NREP: variants seen among roughly 807,000 people sequenced by gnomAD.
NREP encodes neuronal regeneration related protein, also known as neuronal regeneration-related protein.
In NREP, 5 loss-of-function variants were observed where a neutral mutation model predicts 8.6. The ratio of observed to expected loss-of-function variants is 0.58; its 90% CI spans 0.30 to 1.22. NREP has a LOEUF of 1.22. Among genes scored for constraint, NREP ranks in the 50% most tolerant of loss-of-function variants. The pLI, the probability that NREP is intolerant of heterozygous loss-of-function variation, is 0.07. For missense variants in NREP, 86 were observed against 82.5 expected (o/e 1.04, Z -0.17); for synonymous variants, 27 against 28.0 (o/e 0.96, Z 0.11).
rs1753753112 is a variant in NREP, at chr5:111,869,995, TTG to T, written c.135+105277_135+105278del. ...GAACTTCAGCATAGATAGTGTTATA[TTG>T]TGTATATGCCTCTTAAACTTCAACT... On this transcript the variant is annotated intron_variant, in intron 2 of 3. Transcript: ENST00000395634. 2.0e-5 allele frequency among the ~76,000 whole-genome samples: 3 copies of T among 152,332 alleles called. No homozygotes were observed. In the South Asian group the frequency reaches 6.2e-4, roughly 32 times the overall value.
At chr5:111,799,253 T>C (rs999699437) in intron 2 of NREP, among the ~76,000 whole-genome samples, 1 of 152,196 alleles carries the variant, frequency 6.6e-6, no homozygotes. Flanking sequence ...CTATGCAGGC[T>C]CTTTTTTGGT....
chr5:111,901,646 AG>A (rs780481158), intron 2 of NREP, among the ~76,000 whole-genome samples: 1 of 152,180 alleles, frequency 6.6e-6, no homozygotes, highest in Non-Finnish European at 1.5e-5. Flanking sequence ...CACAAAAATC[AG>A]TAGTGTTTCT....
chr5:111,777,038 G>T (rs1751380876), intron 2 of NREP, among the ~76,000 whole-genome samples: 1 of 150,830 alleles, frequency 6.6e-6, no homozygotes, highest in African/African-American at 2.4e-5. Flanking sequence ...GAAGGAGGTG[G>T]AGGAGGAGGA....
rs529280663 is a variant in NREP at position 111,849,377 on chromosome 5, G to T, written c.136-113870C>A. 3.9e-5 allele frequency among the ~76,000 whole-genome samples: 6 copies of T among 152,248 alleles called. No individual in the cohort carries two copies. In the South Asian group the frequency reaches 1.2e-3, roughly 32 times the overall value. On this transcript the variant is annotated intron_variant, in intron 2 of 3. Transcript: ENST00000395634. ...GTGTAATAGGCTGTGTGAGGGAGGA[G>T]AGTAAAGAGAGGTGAGTCTTCAAAG...
At chr5:111,934,127 G>A in intron 2 of NREP, among the ~76,000 whole-genome samples, 1 of 152,064 alleles carries the variant, frequency 6.6e-6, no homozygotes, top group East Asian at 1.9e-4. Context: ...TTGCTTTGGT[G>A]TCTTATCTAC....
chr5:111,797,984 C>T (rs574247581), intron 2 of NREP, among the ~76,000 whole-genome samples: 1 of 152,246 alleles, frequency 6.6e-6, no homozygotes, highest in Non-Finnish European at 1.5e-5. Flanking sequence ...AGAAATTATT[C>T]ATTTTGTAGC....
chr5:111,778,937 AT>A (rs569523489), intron 2 of NREP, among the ~76,000 whole-genome samples: 6 of 152,080 alleles, frequency 3.9e-5, no homozygotes, highest in Admixed American at 3.9e-4. Flanking sequence ...AGTATGTTTT[AT>A]TTTTTTAATG....
intron 2 of NREP, among the ~76,000 whole-genome samples, chr5:111,753,671 G>C (rs542705469): frequency 3.3e-5 from 5 of 151,958 alleles, no homozygotes; most frequent in South Asian, 2.1e-4. Context: ...AGTTTAACAG[G>C]AGAGCCATGC....
chr5:111,797,078 T>C (rs908379513), intron 2 of NREP, among the ~76,000 whole-genome samples: 11 of 151,452 alleles, frequency 7.3e-5, no homozygotes, highest in Admixed American at 6.6e-5. Flanking sequence ...GATAGATAGA[T>C]AGATAGATAG....
chr5:111,853,330 T>C (rs1292751653), intron 2 of NREP, among the ~76,000 whole-genome samples: 3 of 152,146 alleles, frequency 2.0e-5, no homozygotes, highest in Non-Finnish European at 4.4e-5. Context: ...ATTGTCATTA[T>C]ACATTTGTCA....
chr5:111,866,408 A>T (rs568727797), intron 2 of NREP, among the ~76,000 whole-genome samples: 11 of 152,220 alleles, frequency 7.2e-5, no homozygotes, highest in Non-Finnish European at 1.5e-4. Flanking sequence ...GTTCATCATC[A>T]CTGGCCATCA....
chr5:111,875,286 T>G (rs1221062166), intron 2 of NREP, among the ~76,000 whole-genome samples: 1 of 152,042 alleles, frequency 6.6e-6, no homozygotes, highest in South Asian at 2.1e-4. Context: ...ATAATAGGCC[T>G]CTGAGGCAAA....
chr5:111,872,976 C>G (rs1247129746), intron 2 of NREP, among the ~76,000 whole-genome samples: 1 of 152,100 alleles, frequency 6.6e-6, no homozygotes, highest in African/African-American at 2.4e-5. Flanking sequence ...ACTTGGGTCT[C>G]AGGGATAAGG....
upstream of NREP, among the ~76,000 whole-genome samples, chr5:111,758,383 TA>T (rs1224620066): frequency 6.6e-6 from 1 of 152,260 alleles, no homozygotes; most frequent in Non-Finnish European, 1.5e-5. Context: ...AGGATTGCTT[TA>T]AAAAATAAAG....
At chr5:111,745,429 T>C (rs1318595743) in intron 2 of NREP, among the ~76,000 whole-genome samples, 11 of 152,180 alleles carry the variant, frequency 7.2e-5, no homozygotes, top group African/African-American at 2.4e-5. Flanking sequence ...TTTTTCAATG[T>C]TCCCTGGAAG....
intron 1 of NREP, 130 bp downstream of exon 1, chr5:111,757,006 T>C (rs1419998667): frequency 6.4e-6 from 1 of 157,344 alleles, no homozygotes; most frequent in East Asian, 1.9e-4. Context: ...ACGCTTCAGC[T>C]CTTTAAAATT....
intron 2 of NREP, among the ~76,000 whole-genome samples, chr5:111,896,738 T>A (rs1754520243): frequency 6.6e-6 from 1 of 152,200 alleles, no homozygotes. Context: ...CTTAATAGGT[T>A]CCTTTTGTCT....
chr5:111,946,396 A>C (rs1755984452), intron 2 of NREP, among the ~76,000 whole-genome samples: 1 of 152,088 alleles, frequency 6.6e-6, no homozygotes, highest in South Asian at 2.1e-4. Flanking sequence ...ACATGTATGA[A>C]GATTTTCATT....
chr5:111,872,784 T>G (rs148815338), intron 2 of NREP, among the ~76,000 whole-genome samples: 1 of 152,208 alleles, frequency 6.6e-6, no homozygotes, highest in Non-Finnish European at 1.5e-5. Context: ...GAAGTGAGAC[T>G]TGCTTTCACT....
Sources: allele counts gnomAD v4.1 joint callset (sites outside exome capture counted in the v4.1 genomes callset), GRCh38; gene constraint gnomAD v4.1.1; transcripts MANE v1.5; gene names NCBI Gene and HGNC (gene_info 2026-07-23, HGNC 2026-07-21).